Variants in NXPH2 observed in about 807,000 individuals in gnomAD.
The protein encoded by NXPH2 is neurexophilin 2, also known as neurexophilin-2.
In NXPH2, 5 loss-of-function variants were observed where a neutral mutation model predicts 19.8. The observed-to-expected ratio is 0.25, with a 90% CI of 0.13 to 0.53. The LOEUF (loss-of-function observed/expected upper bound fraction) is 0.53, where lower values mean the gene tolerates loss of function less well. Ranked by LOEUF, NXPH2 falls within the 20% of genes least tolerant of loss-of-function variation. The probability of loss-of-function intolerance (pLI) is 0.96; values close to 1 mark genes in which losing one functional copy is unlikely to be tolerated. For synonymous variants in NXPH2, 154 were observed against 127.4 expected (o/e 1.21, Z -1.41); for missense variants, 289 against 322.8 (o/e 0.90, Z 0.80).
chr2:138,716,528 TG>T (rs1681197601), intron 1 of NXPH2, among the ~76,000 whole-genome samples: 1 of 152,160 alleles, frequency 6.6e-6, no homozygotes, highest in South Asian at 2.1e-4. Flanking sequence ...AATAAACATC[TG>T]TTGTTTCCAG....
chr2:138,752,213 C>T (rs1405701240), intron 1 of NXPH2, among the ~76,000 whole-genome samples: 1 of 152,132 alleles, frequency 6.6e-6, no homozygotes, highest in Admixed American at 6.6e-5. Flanking sequence ...CCCTCATTTT[C>T]TCTCAGCATC....
chr2:138,754,608 C>T (rs1286600146), intron 1 of NXPH2, among the ~76,000 whole-genome samples: 1 of 152,126 alleles, frequency 6.6e-6, no homozygotes, highest in Admixed American at 6.6e-5. Flanking sequence ...AGCTTGTGTG[C>T]TTCCAGTTCT....
At position 138,732,539 on chromosome 2, in the gene NXPH2, C is replaced by T. The variant is rs1681468282; in HGVS notation, c.51+47652G>A. Among the ~76,000 whole-genome samples the T allele has an allele frequency of 2.0e-5, 3 of 152,284 alleles. No homozygotes were observed. In the South Asian group the frequency reaches 6.2e-4, roughly 32 times the overall value. On this transcript the variant is annotated intron_variant, in intron 1 of 1. Transcript: ENST00000272641. ...CTTCCAAGTAAGGTGAGATTTCAGG[C>T]TCTCTCAGGCATGTTGGCTGAGGCT...
chr2:138,717,965 A>G (rs1454598845), intron 1 of NXPH2, among the ~76,000 whole-genome samples: 3 of 152,162 alleles, frequency 2.0e-5, no homozygotes, highest in East Asian at 1.9e-4. Flanking sequence ...TTATTGATCT[A>G]GAAGCTCAAG....
At chr2:138,737,444 G>A (rs994891921) in intron 1 of NXPH2, among the ~76,000 whole-genome samples, 7 of 152,110 alleles carry the variant, frequency 4.6e-5, no homozygotes, top group Admixed American at 4.6e-4. Context: ...GAAAGAAACT[G>A]CACCCATGAT....
chr2:138,718,445 A>G (rs181696184), intron 1 of NXPH2, among the ~76,000 whole-genome samples: 90 of 152,308 alleles, frequency 5.9e-4, no homozygotes, highest in Non-Finnish European at 1.1e-3. Flanking sequence ...ATGAATTTAG[A>G]ATTCCATGTT....
intron 1 of NXPH2, among the ~76,000 whole-genome samples, chr2:138,699,574 C>T (rs1680887205): frequency 6.6e-6 from 1 of 152,098 alleles, no homozygotes; most frequent in Admixed American, 6.5e-5. Flanking sequence ...AGCGGTGAGA[C>T]TCGATGAGTA....
At chr2:138,712,752 G>A (rs1384625752) in intron 1 of NXPH2, among the ~76,000 whole-genome samples, 4 of 152,110 alleles carry the variant, frequency 2.6e-5, no homozygotes, top group African/African-American at 9.7e-5. Context: ...AAAGTCCACT[G>A]CACTATAAAC....
chr2:138,700,165 G>C (rs1191656592), intron 1 of NXPH2, among the ~76,000 whole-genome samples: 1 of 152,144 alleles, frequency 6.6e-6, no homozygotes, highest in Non-Finnish European at 1.5e-5. Flanking sequence ...CAGAACCCAA[G>C]TCCCCAAATC....
At chr2:138,765,041 T>A (rs1277132674) in intron 1 of NXPH2, among the ~76,000 whole-genome samples, 2 of 152,238 alleles carry the variant, frequency 1.3e-5, no homozygotes, top group African/African-American at 4.8e-5. Context: ...TTTAGGGATG[T>A]GTACAGAGAA....
intron 1 of NXPH2, among the ~76,000 whole-genome samples, chr2:138,714,735 T>C (rs1316916495): frequency 6.6e-6 from 1 of 152,220 alleles, no homozygotes; most frequent in Non-Finnish European, 1.5e-5. Flanking sequence ...TTATACCAAA[T>C]TATCTAATTT....
At chr2:138,688,241 C>T (rs979948731) in intron 1 of NXPH2, among the ~76,000 whole-genome samples, 16 of 152,116 alleles carry the variant, frequency 1.1e-4, no homozygotes, top group East Asian at 9.6e-4. Context: ...TGGAGTGCAA[C>T]GGCACAATCT....
At chr2:138,750,671 A>T (rs1406345718) in intron 1 of NXPH2, among the ~76,000 whole-genome samples, 1 of 152,210 alleles carries the variant, frequency 6.6e-6, no homozygotes, top group East Asian at 1.9e-4. Flanking sequence ...TCTTGCAGAT[A>T]AGTGAATGAT....
chr2:138,724,371 A>C (rs1242423558), intron 1 of NXPH2, among the ~76,000 whole-genome samples: 3 of 152,200 alleles, frequency 2.0e-5, no homozygotes, highest in Admixed American at 2.0e-4. Flanking sequence ...GTCTTCAGAG[A>C]CTGCAGGATG....
At chr2:138,777,745 T>C (rs1416586029) in intron 1 of NXPH2, among the ~76,000 whole-genome samples, 1 of 149,400 alleles carries the variant, frequency 6.7e-6, no homozygotes, top group Non-Finnish European at 1.5e-5. Flanking sequence ...TTTTTATAAG[T>C]ATGTTCTTCA....
chr2:138,678,208 G>T (rs1311322617), intron 1 of NXPH2, among the ~76,000 whole-genome samples: 2 of 152,096 alleles, frequency 1.3e-5, no homozygotes, highest in Non-Finnish European at 2.9e-5. Context: ...CTTCAATTTT[G>T]CTTTATTCTA....
At chr2:138,677,608 C>T (rs1285026786) in intron 1 of NXPH2, among the ~76,000 whole-genome samples, 2 of 152,128 alleles carry the variant, frequency 1.3e-5, no homozygotes, top group Non-Finnish European at 2.9e-5. Context: ...TCAAATCATT[C>T]ATCATAACAA....
intron 1 of NXPH2, among the ~76,000 whole-genome samples, chr2:138,710,605 T>C (rs1270098540): frequency 6.6e-6 from 1 of 152,164 alleles, no homozygotes; most frequent in Non-Finnish European, 1.5e-5. Context: ...ATCTTGAAGT[T>C]ACCTGGCCTA....
At chr2:138,743,732 G>A (rs1681679359) in intron 1 of NXPH2, among the ~76,000 whole-genome samples, 1 of 152,138 alleles carries the variant, frequency 6.6e-6, no homozygotes, top group South Asian at 2.1e-4. Flanking sequence ...GCCAGGCGTG[G>A]TGGCTCATGC....
Sources: allele counts gnomAD v4.1 joint callset (sites outside exome capture counted in the v4.1 genomes callset), GRCh38; gene constraint gnomAD v4.1.1; transcripts MANE v1.5; gene names NCBI Gene and HGNC (gene_info 2026-07-23, HGNC 2026-07-21).